APBA2: variants seen among roughly 807,000 people sequenced by gnomAD.
APBA2 encodes amyloid beta precursor protein binding family A member 2.
Under a neutral mutation model 75.0 loss-of-function variants are expected in APBA2, and 30 were observed. That is an observed-to-expected ratio of 0.40 (90% CI 0.30 to 0.54). The LOEUF (loss-of-function observed/expected upper bound fraction) is 0.54. Ranked by LOEUF, APBA2 falls within the 20% of genes least tolerant of loss-of-function variation. The pLI is 0.49. For synonymous variants in APBA2, 444 were observed against 409.6 expected (o/e 1.08, Z -1.01); for missense variants, 801 against 1,016.1 (o/e 0.79, Z 2.88).
At chr15:29,111,020 T>C (rs2044699294) in intron 13 of APBA2, among the ~76,000 whole-genome samples, 2 of 151,794 alleles carry the variant, frequency 1.3e-5, no homozygotes, top group Non-Finnish European at 2.9e-5. Flanking sequence ...GAAGGGGGTT[T>C]CTCAGAAGAT....
chr15:28,926,749 A>G (rs1185031119), intron 2 of APBA2, among the ~76,000 whole-genome samples: 1 of 151,990 alleles, frequency 6.6e-6, no homozygotes, highest in Non-Finnish European at 1.5e-5. Flanking sequence ...TGCCTGATAA[A>G]CTATTTCTCC....
intron 2 of APBA2, among the ~76,000 whole-genome samples, chr15:28,956,438 C>T (rs115122922): frequency 0.014 from 2,196 of 152,218 alleles, 60 homozygotes; most frequent in African/African-American, 0.05. Context: ...CAGAATGGAG[C>T]AGGCGACAGC....
At chr15:29,034,804 TG>T (rs2040663168) in intron 3 of APBA2, among the ~76,000 whole-genome samples, 1 of 152,190 alleles carries the variant, frequency 6.6e-6, no homozygotes, top group Non-Finnish European at 1.5e-5. Flanking sequence ...TTCATTGGTC[TG>T]GGGGAGGGCC....
chr15:28,896,501 G>A (rs2152620802), intron 1 of APBA2, among the ~76,000 whole-genome samples: 1 of 152,342 alleles, frequency 6.6e-6, no homozygotes, highest in Middle Eastern at 3.4e-3. Context: ...GGATGGTCTT[G>A]ATCTGCTGAC....
chr15:28,943,977 A>C (rs1327422572), intron 2 of APBA2, among the ~76,000 whole-genome samples: 1 of 151,764 alleles, frequency 6.6e-6, no homozygotes, highest in African/African-American at 2.4e-5. Flanking sequence ...CCAACTCCCT[A>C]CTGTGTCTGC....
intron 2 of APBA2, among the ~76,000 whole-genome samples, chr15:28,953,865 C>T (rs1263310050): frequency 6.6e-6 from 1 of 152,178 alleles, no homozygotes; most frequent in Non-Finnish European, 1.5e-5. Flanking sequence ...TGGTTGACCT[C>T]ATTCCGACTT....
chr15:29,105,293 CCCAG>C, intron 10 of APBA2, 82 bp from the exon 11 acceptor site: 1 of 1,412,274 alleles, frequency 7.1e-7, no homozygotes, highest in African/African-American at 1.4e-5. Context: ...GCATCCTGCA[CCCAG>C]CCCTGCCGCA....
chr15:28,892,656 T>C (rs2032213378), intron 1 of APBA2, among the ~76,000 whole-genome samples: 1 of 152,176 alleles, frequency 6.6e-6, no homozygotes, highest in South Asian at 2.1e-4. Context: ...TGTGTGTGTG[T>C]GTATGTGTAC....
At chr15:29,040,501 G>A (rs893073921) in intron 3 of APBA2, among the ~76,000 whole-genome samples, 4 of 152,254 alleles carry the variant, frequency 2.6e-5, no homozygotes, top group African/African-American at 4.8e-5. Context: ...TTGGATTTAA[G>A]CTGCAATAGA....
chr15:29,087,748 C>T (rs1423638337), intron 6 of APBA2, among the ~76,000 whole-genome samples: 1 of 150,524 alleles, frequency 6.6e-6, no homozygotes, highest in East Asian at 1.9e-4. Flanking sequence ...TTCCCCACTC[C>T]AGACCTAGGG....
intron 3 of APBA2, among the ~76,000 whole-genome samples, chr15:29,023,414 G>A (rs561916462): frequency 3.3e-4 from 46 of 141,380 alleles, no homozygotes; most frequent in Admixed American, 1.2e-3. Context: ...ATGGGTTGTC[G>A]AATTTGATGG....
intron 3 of APBA2, among the ~76,000 whole-genome samples, chr15:29,003,097 C>G (rs539341457): frequency 9.3e-4 from 142 of 152,180 alleles, no homozygotes; most frequent in Non-Finnish European, 1.3e-3. Context: ...CCAGCTTGAC[C>G]TGTGTAGATG....
At position 29,045,097 on chromosome 15, in the gene APBA2, C is replaced by CTT. The variant is rs1566940806; in HGVS notation, c.-40-8747_-40-8746insTT. 2.8e-3 allele frequency among the ~76,000 whole-genome samples: 346 copies of CTT among 124,242 alleles called. 1 individual carries two copies. Among genetic ancestry groups the CTT allele is most frequent in the African/African-American group, 0.019 (322 of 16,686 alleles). 81.5% of individuals were successfully genotyped at this position (124,242 alleles called of 152,430 possible). A position where few individuals can be genotyped will look rare whatever the true frequency, so the allele number is the denominator to read the frequency against. ...TCTCTCTCTCTCTCTCTCTCTCTCT[C>CTT]TCTCTCGTCTCGCACTGTCACCTGG... On this transcript the variant is annotated intron_variant, in intron 3 of 14. Transcript: ENST00000683413.
rs150050568 is a variant in APBA2, at chr15:29,079,984, A to G, written c.1069+3893A>G. On this transcript the variant is annotated intron_variant, in intron 6 of 14. Transcript: ENST00000683413. ...CCCCGTCTGATAGGTTAGAAAACTG[A>G]TGCACAGTGAGGCTAAAGTCACTTG... Among the ~76,000 whole-genome samples the G allele has an allele frequency of 1.7e-3, 259 of 152,228 alleles. 2 individuals are homozygous for G. The highest frequency in any genetic ancestry group is 5.8e-3 in the African/African-American group (239 of 41,526).
chr15:29,068,104 G>T lies in APBA2; in HGVS notation c.952-6817G>T, dbSNP rs528673141. Among the ~76,000 whole-genome samples, 3 of 152,356 alleles carry T rather than the reference G, an allele frequency of 2.0e-5. No individual in the cohort carries two copies. In the East Asian group the frequency reaches 5.8e-4, roughly 29 times the overall value. On this transcript the variant is annotated intron_variant, in intron 4 of 14. Coordinates refer to ENST00000683413, the MANE Select transcript of APBA2 (RefSeq NM_001353788.2). ...TCAAGCTAGTTTTCTCAGAATGTGTGCAGGGCTCGAGGCCAAGTGTGGAGG... is the reference window on the plus strand; with the variant it reads ...TCAAGCTAGTTTTCTCAGAATGTGTTCAGGGCTCGAGGCCAAGTGTGGAGG...
intron 1 of APBA2, among the ~76,000 whole-genome samples, chr15:28,889,467 C>T (rs145864544): frequency 0.15 from 23,119 of 152,242 alleles, 1,787 homozygotes; most frequent in Middle Eastern, 0.21. Flanking sequence ...AGTGGCTTTC[C>T]AGTGCTCCCT....
chr15:29,086,105 TCTTA>T (rs1336117573), intron 6 of APBA2, among the ~76,000 whole-genome samples: 3 of 152,236 alleles, frequency 2.0e-5, no homozygotes, highest in Non-Finnish European at 2.9e-5. Flanking sequence ...TCTTGTTCTC[TCTTA>T]CTTGTTCCCT....
At chr15:28,900,733 C>G (rs958834442) in intron 1 of APBA2, among the ~76,000 whole-genome samples, 4 of 152,200 alleles carry the variant, frequency 2.6e-5, no homozygotes, top group African/African-American at 9.6e-5. Flanking sequence ...TCAGGATGTC[C>G]TGTCCCATCT....
chr15:28,907,924 A>G (rs1052162371), intron 1 of APBA2, among the ~76,000 whole-genome samples: 11 of 151,996 alleles, frequency 7.2e-5, no homozygotes, highest in Non-Finnish European at 1.3e-4. Flanking sequence ...GGTTCTTGAC[A>G]TATACAGGGG....
Sources: gnomAD v4.1 joint callset for allele counts (sites outside exome capture counted in the v4.1 genomes callset) on GRCh38, gnomAD v4.1.1 for gene constraint, MANE v1.5 for transcripts, NCBI Gene and HGNC (gene_info 2026-07-23, HGNC 2026-07-21) for gene names.